TSC22D1: variants seen among roughly 807,000 people sequenced by gnomAD.
TSC22D1 encodes TSC22 domain family protein 1.
TSC22D1 carries 9 observed loss-of-function variants against 74.2 expected under a neutral mutation model. The ratio of observed to expected loss-of-function variants is 0.12; its 90% confidence interval spans 0.07 to 0.21. TSC22D1 has a LOEUF of 0.21. TSC22D1 is among the 10% of genes least tolerant of loss of function. The pLI, the probability that TSC22D1 is intolerant of heterozygous loss-of-function variation, is 1.00. For synonymous variants in TSC22D1, 586 were observed against 492.5 expected, an observed-to-expected ratio of 1.19 and a Z score of -2.51; for missense variants, 1,427 against 1,304.7, an observed-to-expected ratio of 1.09 and a Z score of -1.44.
chr13:44,465,038 A>G (rs547211158), intron 1 of TSC22D1, among the ~76,000 whole-genome samples: 4 of 152,152 alleles, frequency 2.6e-5, no homozygotes, highest in Non-Finnish European at 4.4e-5. Flanking sequence ...ACAAGTTTTG[A>G]GTGGTTGACC....
chr13:44,541,528 T>A (rs915888911), intron 1 of TSC22D1, among the ~76,000 whole-genome samples: 8 of 152,206 alleles, frequency 5.3e-5, no homozygotes, highest in African/African-American at 1.4e-4. Context: ...AAGTACTTTA[T>A]GCACCTAAAG....
At chr13:44,503,021 A>G (rs1302718393) in intron 1 of TSC22D1, among the ~76,000 whole-genome samples, 1 of 152,220 alleles carries the variant, frequency 6.6e-6, no homozygotes, top group Non-Finnish European at 1.5e-5. Context: ...GATTGTTGCA[A>G]TAATAGCCAT....
chr13:44,541,213 C>A (rs1171813990), intron 1 of TSC22D1, among the ~76,000 whole-genome samples: 3 of 152,178 alleles, frequency 2.0e-5, no homozygotes, highest in African/African-American at 7.2e-5. Flanking sequence ...GCCTTCACTT[C>A]CTCCTGGCTC....
At chr13:44,468,203 C>T (rs976793498) in intron 1 of TSC22D1, among the ~76,000 whole-genome samples, 13 of 152,014 alleles carry the variant, frequency 8.6e-5, no homozygotes, top group East Asian at 1.9e-4. Flanking sequence ...AGTTGTATAA[C>T]GGACACTGGA....
chr13:44,562,107 T>C (rs1049909023), intron 1 of TSC22D1, among the ~76,000 whole-genome samples: 2 of 152,160 alleles, frequency 1.3e-5, no homozygotes, highest in Non-Finnish European at 2.9e-5. Flanking sequence ...TGGCGCCATC[T>C]CACCTCACTG....
chr13:44,449,191 G>A (rs892448119), intron 1 of TSC22D1, among the ~76,000 whole-genome samples: 1 of 152,108 alleles, frequency 6.6e-6, no homozygotes, highest in Admixed American at 6.5e-5. Context: ...AGGCTGACAG[G>A]GGCACTCAGA....
At chr13:44,560,663 G>A (rs1013591772) in intron 1 of TSC22D1, among the ~76,000 whole-genome samples, 1 of 152,136 alleles carries the variant, frequency 6.6e-6, no homozygotes, top group Non-Finnish European at 1.5e-5. Flanking sequence ...ATATAGAGGA[G>A]TAAAAGGATT....
At chr13:44,469,123 C>T (rs1877454949) in intron 1 of TSC22D1, among the ~76,000 whole-genome samples, 1 of 152,150 alleles carries the variant, frequency 6.6e-6, no homozygotes, top group Non-Finnish European at 1.5e-5. Flanking sequence ...TAAAACATTT[C>T]CTGCCTGTCA....
chr13:44,575,052 G>A lies in TSC22D1; in HGVS notation c.1023C>T (p.Ser341=), dbSNP rs1449328905. 6.2e-7 allele frequency: 1 copy of A among 1,614,136 alleles called. No individual in the cohort carries two copies. Among genetic ancestry groups the A allele is most frequent in the East Asian group, 2.2e-5 (1 of 44,890 alleles). Residue 341 remains serine (S), a synonymous_variant, in exon 1 of 3, where the codon AGC becomes AGT. Transcript: ENST00000458659. The part of the protein sequence containing the change: ...SMLGNVNIST[S]NIPSAAGVSV... ...TCACACCAGCAGCACTAGGAATATT[G>A]CTTGTACTTATATTAACATTACCAA...
intron 1 of TSC22D1, among the ~76,000 whole-genome samples, chr13:44,558,679 G>A (rs1187864649): frequency 6.6e-6 from 1 of 152,190 alleles, no homozygotes; most frequent in African/African-American, 2.4e-5. Flanking sequence ...GGCAGAGGCT[G>A]CAGTGAGCCG....
rs535493331 is a variant in TSC22D1, at chr13:44,567,548, T to C, written c.2912+5615A>G. Among the ~76,000 whole-genome samples, 6 of 151,360 alleles carry C rather than the reference T, an allele frequency of 4.0e-5. No homozygotes were observed. The East Asian group carries it at 5.8e-4, about 15-fold the overall frequency. On this transcript the variant is annotated intron_variant, in intron 1 of 2. Transcript: ENST00000458659. The stretch of plus-strand genomic sequence containing the variant: ...AAAGCTAACATTTTATATATTCAGA[T>C]AGCTAAGAAAAAATACTATCATTAT...
rs1448934333 is a variant in TSC22D1 at position 44,574,363 on chromosome 13, A to G, written c.1712T>C (p.Met571Thr). The change falls in exon 1 of 3, where the codon ATG becomes ACG. Residue 571 changes from methionine (M) to threonine (T), a missense_variant. By Grantham distance (81) the Met-to-Thr change is moderately conservative. This residue lies in a region of TSC22D1 where 1,343 missense variants were observed against 1,191.5 expected (regional missense o/e 1.13). Transcript: ENST00000458659. ...GLQPVPLQAT[M>T]SAATGIQPSP... is the part of the protein sequence containing the mutation. ...TGGCTGGATACCAGTTGCAGCACTCATAGTGGCTTGCAGAGGTACTGGCTG... is the reference window on the plus strand; with the variant it reads ...TGGCTGGATACCAGTTGCAGCACTCGTAGTGGCTTGCAGAGGTACTGGCTG... The G allele has an allele frequency of 6.2e-7, 1 of 1,614,240 alleles. No homozygotes were observed. The highest frequency in any genetic ancestry group is 8.5e-7 in the Non-Finnish European group (1 of 1,180,040).
chr13:44,536,470 CTTGAT>C (rs969422628), intron 1 of TSC22D1, among the ~76,000 whole-genome samples: 3 of 151,816 alleles, frequency 2.0e-5, no homozygotes, highest in Admixed American at 2.0e-4. Context: ...TCCATGCTGT[CTTGAT>C]AAGATTTAAA....
At position 44,434,511 on chromosome 13, in the gene TSC22D1, GTC is replaced by G; in HGVS notation, c.*113_*114del. The stretch of plus-strand genomic sequence containing the variant: ...AGATAATGGCATATGTCAGTCTCAC[GTC>G]TCTTTCGCAGCGAGCAATGAAATGG... On this transcript the variant is annotated 3_prime_UTR_variant, in exon 3 of 3. Coordinates refer to ENST00000458659, the MANE Select transcript of TSC22D1 (RefSeq NM_183422.4). 3 of 1,444,864 alleles carry G rather than the reference GTC, an allele frequency of 2.1e-6. No homozygotes were observed. In the South Asian group the frequency reaches 4.8e-5, roughly 23 times the overall value. 89.5% of individuals were successfully genotyped at this position (1,444,864 alleles called of 1,614,324 possible).
chr13:44,524,693 T>C (rs996902607), intron 1 of TSC22D1, among the ~76,000 whole-genome samples: 1 of 152,122 alleles, frequency 6.6e-6, no homozygotes, highest in African/African-American at 2.4e-5. Flanking sequence ...GCACCCGCCA[T>C]GCCCAGCTAA....
chr13:44,535,641 C>CA (rs142929734), intron 1 of TSC22D1, among the ~76,000 whole-genome samples: 127 of 150,422 alleles, frequency 8.4e-4, no homozygotes, highest in African/African-American at 2.1e-3. Context: ...AACAAACAAA[C>CA]AAAAAAAACC....
chr13:44,468,783 T>C (rs142716379), intron 1 of TSC22D1, among the ~76,000 whole-genome samples: 1 of 150,156 alleles, frequency 6.7e-6, no homozygotes, highest in African/African-American at 2.4e-5. Context: ...GAAGAATTTA[T>C]AATATGCTAA....
chr13:44,490,057 G>A (rs1878628330), intron 1 of TSC22D1, among the ~76,000 whole-genome samples: 1 of 152,152 alleles, frequency 6.6e-6, no homozygotes, highest in Non-Finnish European at 1.5e-5. Context: ...ATGCAAAGGT[G>A]TACTAGCCCC....
At chr13:44,491,981 T>C (rs1225206087) in intron 1 of TSC22D1, among the ~76,000 whole-genome samples, 7 of 152,178 alleles carry the variant, frequency 4.6e-5, no homozygotes, top group African/African-American at 1.7e-4. Flanking sequence ...AAAATGTTCA[T>C]ACTAGCATTG....
Sources: allele counts gnomAD v4.1 joint callset (sites outside exome capture counted in the v4.1 genomes callset), GRCh38; gene constraint gnomAD v4.1.1; regional missense constraint gnomAD v4.1.1; transcripts MANE v1.5; gene names NCBI Gene and HGNC (gene_info 2026-07-23, HGNC 2026-07-21).